The following ACACA variants were observed in gnomAD, a reference collection of about 807,000 sequenced individuals.
ACACA encodes the protein acetyl-CoA carboxylase 1.
ACACA carries 103 observed loss-of-function variants against 296.1 expected under a neutral mutation model. The observed-to-expected ratio is 0.35, with a 90% confidence interval of 0.30 to 0.41. The LOEUF (loss-of-function observed/expected upper bound fraction) is 0.41. Among genes scored for constraint, ACACA ranks in the 10% least tolerant of loss-of-function variants. The pLI is 1.00. For synonymous variants in ACACA, 953 were observed against 1,038.6 expected (o/e 0.92, Z 1.58); for missense variants, 1,554 against 2,989.7 (o/e 0.52, Z 11.20).
At chr17:37,271,236 C>T (rs1302549070) in intron 9 of ACACA, among the ~76,000 whole-genome samples, 1 of 152,190 alleles carries the variant, frequency 6.6e-6, no homozygotes, top group African/African-American at 2.4e-5. Flanking sequence ...AAGAATGGGT[C>T]CGGGCACAGT....
intron 1 of ACACA, chr17:37,365,459 C>T: frequency 2.0e-6 from 2 of 985,428 alleles, no homozygotes; most frequent in Non-Finnish European, 2.4e-6. Context: ...GGCCACTCTG[C>T]TCCTGATGCC....
intron 5 of ACACA, among the ~76,000 whole-genome samples, chr17:37,281,147 T>C (rs1367635674): frequency 6.7e-6 from 1 of 149,096 alleles, no homozygotes; most frequent in Non-Finnish European, 1.5e-5. Flanking sequence ...CACAACCTCC[T>C]CCTCCTGGGT....
At chr17:37,229,622 C>T (rs2079747520) in intron 25 of ACACA, among the ~76,000 whole-genome samples, 1 of 151,834 alleles carries the variant, frequency 6.6e-6, no homozygotes, top group African/African-American at 2.4e-5. Flanking sequence ...CATGCTCTAA[C>T]TTAAAAGACA....
intron 42 of ACACA, among the ~76,000 whole-genome samples, chr17:37,157,129 G>T (rs1265807836): frequency 6.6e-6 from 1 of 152,210 alleles, no homozygotes; most frequent in Admixed American, 6.5e-5. Flanking sequence ...CAAAATGAAA[G>T]AGAAGGTAGA....
chr17:37,260,941 G>A (rs578136833), intron 11 of ACACA, among the ~76,000 whole-genome samples: 3 of 152,094 alleles, frequency 2.0e-5, no homozygotes, highest in African/African-American at 2.4e-5. Flanking sequence ...TATCCTAATC[G>A]ATACAGGAAT....
At position 37,096,152 on chromosome 17, in the gene ACACA, C is replaced by G. The variant is rs1042611469; in HGVS notation, c.6891+844G>C. On this transcript the variant is annotated intron_variant, in intron 54 of 55. Transcript: ENST00000616317. ...ACCTGTTAGGCTTCTGCTCTTAGCC[C>G]CTCCAATTCCCTCCTCCACACAGCC... Among the ~76,000 whole-genome samples the G allele has an allele frequency of 2.6e-5, 4 of 152,196 alleles. No homozygotes were observed. The South Asian group carries it at 8.3e-4, about 32-fold the overall frequency.
intron 44 of ACACA, 122 bp from the exon 45 acceptor site, chr17:37,150,096 TTTGA>T: frequency 1.2e-6 from 1 of 848,754 alleles, no homozygotes; most frequent in Non-Finnish European, 1.9e-6. Context: ...ATGAAGTCTA[TTTGA>T]TTGACAACAA....
At position 37,245,124 on chromosome 17, in the gene ACACA, C is replaced by A; in HGVS notation, c.2551G>T (p.Val851Leu). 1 of 1,614,192 alleles carries A rather than the reference C, an allele frequency of 6.2e-7. No individual in the cohort carries two copies. The highest frequency in any genetic ancestry group is 2.2e-5 in the East Asian group (1 of 44,888). The part of the protein sequence containing the change: ...RPGAALDPGC[V>L]LAKMQLDNPS... ...TTGTCCAGTTGCATTTTGGCTAGTA[C>A]ACAGCCAGGGTCAAGAGCTGCTCCA... The change falls in exon 20 of 56, where the codon GTA becomes TTA. Residue 851 changes from valine to leucine, a missense_variant. Physicochemically the swap from Val to Leu is conservative, Grantham distance 32. This residue lies in a region of ACACA where 316 missense variants were observed against 540.9 expected (regional missense o/e 0.58). Coordinates refer to ENST00000616317, the MANE Select transcript of ACACA (RefSeq NM_198834.3).
intron 41 of ACACA, among the ~76,000 whole-genome samples, chr17:37,163,518 T>C (rs2076549257): frequency 6.6e-6 from 1 of 152,210 alleles, no homozygotes; most frequent in African/African-American, 2.4e-5. Flanking sequence ...CCAAGAAACC[T>C]TTAACACACA....
intron 3 of ACACA, among the ~76,000 whole-genome samples, chr17:37,295,514 C>G (rs1276566567): frequency 5.3e-5 from 8 of 152,146 alleles, no homozygotes; most frequent in African/African-American, 1.9e-4. Flanking sequence ...CACGGCCAGG[C>G]ACAGTGGCTC....
chr17:37,352,968 C>G (rs1243723648), intron 1 of ACACA, among the ~76,000 whole-genome samples: 1 of 152,120 alleles, frequency 6.6e-6, no homozygotes, highest in African/African-American at 2.4e-5. Flanking sequence ...TCAGTTGCCC[C>G]GTGATGCCTT....
chr17:37,398,031 C>A (rs2051137666), intron 1 of ACACA, among the ~76,000 whole-genome samples: 1 of 151,954 alleles, frequency 6.6e-6, no homozygotes, highest in African/African-American at 2.4e-5. Flanking sequence ...GAGATTGAGA[C>A]CATCCTGGCT....
chr17:37,186,453 A>C (rs2077535680), intron 39 of ACACA, among the ~76,000 whole-genome samples: 1 of 152,276 alleles, frequency 6.6e-6, no homozygotes, highest in Admixed American at 6.5e-5. Flanking sequence ...ATTAAAAAAC[A>C]AATGAACGAA....
At chr17:37,286,466 C>A (rs1271362188) in intron 3 of ACACA, among the ~76,000 whole-genome samples, 1 of 152,172 alleles carries the variant, frequency 6.6e-6, no homozygotes, top group Admixed American at 6.5e-5. Context: ...GACAATGGGG[C>A]CAAGATTCTG....
chr17:37,219,476 G>A lies in ACACA; in HGVS notation c.3683+2248C>T, dbSNP rs372237056. ...GTTGGTCAGAAGTGCAAGTGGCCAG[G>A]GGACCCCACTTATGGCCCCATCTGA... On this transcript the variant is annotated intron_variant, in intron 29 of 55. Coordinates refer to ENST00000616317, the MANE Select transcript of ACACA (RefSeq NM_198834.3). Among the ~76,000 whole-genome samples the A allele has an allele frequency of 7.2e-4, 109 of 152,084 alleles. 1 individual carries two copies. The Middle Eastern group carries it at 0.01, about 14-fold the overall frequency.
chr17:37,231,085 T>C lies in ACACA; in HGVS notation c.3246+3890A>G, dbSNP rs369295385. 1.2e-4 allele frequency among the ~76,000 whole-genome samples: 18 copies of C among 152,262 alleles called. No homozygotes were observed. In the East Asian group the frequency reaches 2.9e-3, roughly 24 times the overall value. On this transcript the variant is annotated intron_variant, in intron 25 of 55. Coordinates refer to ENST00000616317, the MANE Select transcript of ACACA (RefSeq NM_198834.3). ...CAAACATGATAAAACGTTAAACCCA[T>C]AGCCAAGGCTGGGCACAGTGGCTCA...
At chr17:37,340,897 A>T (rs2048348578) in intron 1 of ACACA, among the ~76,000 whole-genome samples, 2 of 152,130 alleles carry the variant, frequency 1.3e-5, no homozygotes, top group Non-Finnish European at 2.9e-5. Flanking sequence ...CCTCATCTGT[A>T]AAAATAAAAA....
chr17:37,380,669 C>T (rs77624360), intron 1 of ACACA, among the ~76,000 whole-genome samples: 3 of 151,994 alleles, frequency 2.0e-5, no homozygotes, highest in Non-Finnish European at 4.4e-5. Flanking sequence ...GCGATCTTGG[C>T]CCACTGCAAC....
chr17:37,236,557 G>C (rs2542650), intron 24 of ACACA, among the ~76,000 whole-genome samples: 1,766 of 152,004 alleles, frequency 0.012, 10 homozygotes, highest in Non-Finnish European at 0.017. Context: ...GGGTGCGGTG[G>C]CTCACCCTTG....
Sources: gnomAD v4.1 joint callset for allele counts (sites outside exome capture counted in the v4.1 genomes callset) on GRCh38, gnomAD v4.1.1 for gene constraint, gnomAD v4.1.1 regional missense constraint, MANE v1.5 for transcripts, NCBI Gene and HGNC (gene_info 2026-07-23, HGNC 2026-07-21) for gene names.